Variants in MECOM observed in about 807,000 individuals in gnomAD.
MECOM encodes the protein histone-lysine N-methyltransferase MECOM.
Under a neutral mutation model 116.3 loss-of-function variants are expected in MECOM, and 13 were observed. The ratio of observed to expected loss-of-function variants is 0.11; its 90% CI spans 0.07 to 0.18. MECOM has a LOEUF of 0.18. Among genes scored for constraint, MECOM ranks in the 10% least tolerant of loss-of-function variants. The pLI is 1.00. For synonymous variants in MECOM, 528 were observed against 535.2 expected (o/e 0.99, Z 0.19); for missense variants, 1,299 against 1,509.0 (o/e 0.86, Z 2.31).
chr3:169,603,459 T>C (rs1318849299), intron 1 of MECOM, among the ~76,000 whole-genome samples: 2 of 152,308 alleles, frequency 1.3e-5, no homozygotes, highest in African/African-American at 4.8e-5. Context: ...ATACATTTAG[T>C]GTAGTCTAAA....
chr3:169,223,689 T>C (rs1452471606), intron 2 of MECOM, among the ~76,000 whole-genome samples: 1 of 152,180 alleles, frequency 6.6e-6, no homozygotes, highest in Non-Finnish European at 1.5e-5. Flanking sequence ...AGAATTACAG[T>C]TATACTATAA....
intron 2 of MECOM, among the ~76,000 whole-genome samples, chr3:169,224,802 C>T (rs1392163925): frequency 6.6e-6 from 1 of 152,164 alleles, no homozygotes; most frequent in African/African-American, 2.4e-5. Context: ...CTGAAAAGCC[C>T]CATGGGCTGT....
At chr3:169,422,851 G>A (rs1346279206) in intron 1 of MECOM, among the ~76,000 whole-genome samples, 1 of 151,978 alleles carries the variant, frequency 6.6e-6, no homozygotes, top group African/African-American at 2.4e-5. Flanking sequence ...CTGAAGATCT[G>A]TATTTTTTTA....
chr3:169,353,011 A>C (rs778847514), intron 2 of MECOM, among the ~76,000 whole-genome samples: 6 of 151,910 alleles, frequency 3.9e-5, no homozygotes, highest in Non-Finnish European at 8.8e-5. Context: ...TCTCCCCAAA[A>C]GGGAAGTTAC....
chr3:169,437,714 A>G (rs369759185), intron 1 of MECOM, among the ~76,000 whole-genome samples: 15 of 152,332 alleles, frequency 9.8e-5, no homozygotes, highest in African/African-American at 3.4e-4. Flanking sequence ...ACGTGTTTTC[A>G]TATGGCATTT....
intron 2 of MECOM, among the ~76,000 whole-genome samples, chr3:169,333,989 G>T (rs1300645636): frequency 6.7e-6 from 1 of 150,162 alleles, no homozygotes; most frequent in East Asian, 2.0e-4. Flanking sequence ...TCTTTTTGAG[G>T]CATCTCTCTA....
At chr3:169,658,672 C>T (rs563040717) in intron 1 of MECOM, among the ~76,000 whole-genome samples, 6 of 152,262 alleles carry the variant, frequency 3.9e-5, no homozygotes, top group Admixed American at 3.9e-4. Context: ...CTTCCCCAGT[C>T]CCACCCCCAC....
intron 1 of MECOM, among the ~76,000 whole-genome samples, chr3:169,550,212 G>A (rs748600563): frequency 2.0e-5 from 3 of 152,092 alleles, no homozygotes; most frequent in East Asian, 3.9e-4. Flanking sequence ...TGAACAAAAC[G>A]AGCAAATGCA....
intron 2 of MECOM, among the ~76,000 whole-genome samples, chr3:169,216,633 A>G (rs890323013): frequency 6.6e-6 from 1 of 152,042 alleles, no homozygotes; most frequent in Non-Finnish European, 1.5e-5. Context: ...TACTAATTCT[A>G]TATGTTTCAA....
chr3:169,606,827 CT>C (rs1404418835), intron 1 of MECOM, among the ~76,000 whole-genome samples: 3 of 152,192 alleles, frequency 2.0e-5, no homozygotes, highest in Admixed American at 1.3e-4. Context: ...GGACAGGAAG[CT>C]TCTTTTTATA....
chr3:169,145,094 T>C, intron 2 of MECOM: 2 of 1,483,716 alleles, frequency 1.3e-6, no homozygotes, highest in Non-Finnish European at 1.8e-6. Context: ...CAATAAGTCG[T>C]CCCAAAATTT....
intron 1 of MECOM, among the ~76,000 whole-genome samples, chr3:169,516,564 C>T (rs923776374): frequency 1.3e-5 from 2 of 152,010 alleles, no homozygotes; most frequent in Non-Finnish European, 2.9e-5. Flanking sequence ...CTGTGCAAAG[C>T]GTGCATTCTC....
chr3:169,565,235 G>C (rs149014748), intron 1 of MECOM, among the ~76,000 whole-genome samples: 2 of 152,174 alleles, frequency 1.3e-5, no homozygotes, highest in Non-Finnish European at 2.9e-5. Flanking sequence ...GGCAGGGGAG[G>C]CATTTGATAA....
intron 2 of MECOM, among the ~76,000 whole-genome samples, chr3:169,319,609 T>C (rs374399764): frequency 7.2e-5 from 11 of 152,124 alleles, no homozygotes; most frequent in African/African-American, 2.7e-4. Context: ...GAATTGGTCA[T>C]ATGGAAACAG....
At chr3:169,222,446 A>G (rs1194101947) in intron 2 of MECOM, among the ~76,000 whole-genome samples, 2 of 152,224 alleles carry the variant, frequency 1.3e-5, no homozygotes, top group Admixed American at 6.5e-5. Flanking sequence ...TAATATCCAC[A>G]TGATGGCACT....
chr3:169,386,567 A>G (rs748638825), intron 1 of MECOM, among the ~76,000 whole-genome samples: 1 of 152,112 alleles, frequency 6.6e-6, no homozygotes, highest in Non-Finnish European at 1.5e-5. Context: ...GTATTTTACT[A>G]TTTTCTAAAA....
chr3:169,557,752 G>T (rs1280203012), intron 1 of MECOM, among the ~76,000 whole-genome samples: 1 of 152,170 alleles, frequency 6.6e-6, no homozygotes, highest in African/African-American at 2.4e-5. Flanking sequence ...TTCACTGTAG[G>T]CAAGGCAAGA....
At chr3:169,094,535 T>C (rs960895822) in intron 13 of MECOM, among the ~76,000 whole-genome samples, 1 of 152,246 alleles carries the variant, frequency 6.6e-6, no homozygotes, top group African/African-American at 2.4e-5. Flanking sequence ...TATAAGAATT[T>C]GTGACAAAAA....
chr3:169,645,486 T>C (rs568219131), intron 1 of MECOM, among the ~76,000 whole-genome samples: 1 of 152,200 alleles, frequency 6.6e-6, no homozygotes, highest in Non-Finnish European at 1.5e-5. Flanking sequence ...TTGTTTACCT[T>C]GTTGTTTAAT....
Sources: allele counts gnomAD v4.1 joint callset (sites outside exome capture counted in the v4.1 genomes callset), GRCh38; gene constraint gnomAD v4.1.1; transcripts MANE v1.5; gene names NCBI Gene and HGNC (gene_info 2026-07-23, HGNC 2026-07-21).